LONP1: variants seen among roughly 807,000 people sequenced by gnomAD.
The protein encoded by LONP1 is lon protease homolog, mitochondrial.
Under a neutral mutation model 98.5 loss-of-function variants are expected in LONP1, and 31 were observed. The ratio of observed to expected loss-of-function variants is 0.31; its 90% confidence interval spans 0.24 to 0.42. The LOEUF (loss-of-function observed/expected upper bound fraction) is 0.42, where lower values mean the gene tolerates loss of function less well. Ranked by LOEUF, LONP1 falls within the 20% of genes least tolerant of loss-of-function variation. The pLI, the probability that LONP1 is intolerant of heterozygous loss-of-function variation, is 1.00. For synonymous variants in LONP1, 781 were observed against 594.7 expected, an observed-to-expected ratio of 1.31 and a Z score of -4.56; for missense variants, 1,336 against 1,350.6, an observed-to-expected ratio of 0.99 and a Z score of 0.17.
intron 4 of LONP1, among the ~76,000 whole-genome samples, chr19:5,709,127 C>G (rs555649424): frequency 1.3e-5 from 2 of 151,820 alleles, no homozygotes; most frequent in Non-Finnish European, 2.9e-5. Flanking sequence ...CGATCCTCCC[C>G]GCTCATTTTC....
intron 8 of LONP1, among the ~76,000 whole-genome samples, chr19:5,705,335 A>G (rs906842393): frequency 2.6e-5 from 4 of 151,980 alleles, no homozygotes; most frequent in Non-Finnish European, 4.4e-5. Context: ...GTGCATGCCT[A>G]TAGTCCCAGA....
chr19:5,693,819 G>A (rs1044285149), intron 15 of LONP1, 50 bp from the exon 16 acceptor site: 25 of 1,503,950 alleles, frequency 1.7e-5, no homozygotes, highest in African/African-American at 5.5e-5. Flanking sequence ...AGCCCAGGCC[G>A]GTGCTCACTC....
chr19:5,708,202 G>A (rs1306526175), intron 5 of LONP1, 140 bp downstream of exon 5: 31 of 841,888 alleles, frequency 3.7e-5, no homozygotes, highest in Middle Eastern at 3.4e-4. Context: ...AGTGGGCAAC[G>A]GGCTCCTCCA....
intron 10 of LONP1, 79 bp from the exon 11 acceptor site, chr19:5,696,836 CAG>C (rs749687003): frequency 1.6e-5 from 15 of 946,780 alleles, no homozygotes; most frequent in Non-Finnish European, 2.1e-5. Context: ...TCCAGGGCCA[CAG>C]GGGAGAGGCC....
intron 17 of LONP1, among the ~76,000 whole-genome samples, chr19:5,692,765 G>A (rs2054851243): frequency 6.6e-6 from 1 of 152,158 alleles, no homozygotes; most frequent in African/African-American, 2.4e-5. Context: ...GTCTGTGCCT[G>A]GTGTCCAATT....
intron 4 of LONP1, 65 bp from the exon 5 acceptor site, chr19:5,708,468 G>GGA: frequency 1.3e-5 from 7 of 551,256 alleles, no homozygotes; most frequent in East Asian, 4.7e-5. Context: ...GGCTGGGTGG[G>GGA]AGCATGGCCC....
intron 17 of LONP1, 67 bp downstream of exon 17, chr19:5,693,231 G>T: frequency 6.5e-7 from 1 of 1,537,664 alleles, no homozygotes; most frequent in South Asian, 1.2e-5. Context: ...TGCATGGCGG[G>T]GACTGGGCCT....
chr19:5,693,853 G>A lies in LONP1; in HGVS notation c.2321-84C>T, dbSNP rs117145932. 3,169 of 1,146,160 alleles carry A rather than the reference G, an allele frequency of 2.8e-3. 83 individuals are homozygous for A. The East Asian group carries it at 0.057, about 21-fold the overall frequency. The allele number at this position is 1,146,160 out of a possible 1,614,324, so 71.0% of individuals were successfully genotyped here. On this transcript the variant is annotated intron_variant, in intron 15 of 17. Transcript: ENST00000360614. Reference sequence around the variant, plus strand: ...TCCACCCCTCGGGGCCACTCTGACCGCTCCTGCCCCAGTTTAGCATCTTGG... The same window carrying A: ...TCCACCCCTCGGGGCCACTCTGACCACTCCTGCCCCAGTTTAGCATCTTGG...
At position 5,696,561 on chromosome 19, in the gene LONP1, C is replaced by T. The variant is rs372397529; in HGVS notation, c.1773+109G>A. ...GTCCGTGCCATCAGGGCCAGCATCA[C>T]GGCGATGGCCCCTGAGTTGGCTCGG... On this transcript the variant is annotated intron_variant, in intron 11 of 17. Coordinates refer to ENST00000360614, the MANE Select transcript of LONP1 (RefSeq NM_004793.4). 7.7e-5 allele frequency: 100 copies of T among 1,305,306 alleles called. No homozygotes were observed. The East Asian group carries it at 1.8e-3, about 23-fold the overall frequency. 80.9% of individuals were successfully genotyped at this position (1,305,306 alleles called of 1,614,324 possible).
chr19:5,708,192 A>G (rs2055178329), intron 5 of LONP1, 150 bp downstream of exon 5: 5 of 775,246 alleles, frequency 6.4e-6, no homozygotes, highest in East Asian at 5.4e-5. Context: ...CCCATGCCCC[A>G]GTGGGCAACG....
chr19:5,703,014 T>TAA (rs75284257), intron 8 of LONP1, among the ~76,000 whole-genome samples: 12 of 112,342 alleles, frequency 1.1e-4, no homozygotes, highest in Admixed American at 9.1e-5. Flanking sequence ...GAATGATCAA[T>TAA]AAAAAAAAAA....
intron 2 of LONP1, 116 bp downstream of exon 2, chr19:5,714,067 T>C: frequency 2.8e-6 from 2 of 723,002 alleles, no homozygotes; most frequent in East Asian, 5.4e-5. Flanking sequence ...ATTCTGGAGG[T>C]CTTCCCTGGT....
chr19:5,720,163 C>T, upstream of LONP1: 3 of 1,388,058 alleles, frequency 2.2e-6, no homozygotes, highest in South Asian at 3.2e-5. Flanking sequence ...TCACACAACT[C>T]GCGTCATTTC....
At chr19:5,696,635 C>CGGGTCAGGGTTGCCTGGGGCTAT in intron 11 of LONP1, 35 bp downstream of exon 11, 1 of 1,593,598 alleles carries the variant, frequency 6.3e-7, no homozygotes, top group Non-Finnish European at 8.6e-7. Context: ...ACGGCATTGC[C>CGGGTCAGGGTTGCCTGGGGCTAT]GGGTTAGGGG....
intron 4 of LONP1, among the ~76,000 whole-genome samples, chr19:5,709,736 C>T (rs535016187): frequency 6.6e-5 from 10 of 151,794 alleles, no homozygotes; most frequent in South Asian, 6.3e-4. Flanking sequence ...GGTGAAACCC[C>T]GTCTCTACTA....
chr19:5,698,403 T>C (rs1462815748), intron 10 of LONP1, among the ~76,000 whole-genome samples: 1 of 152,208 alleles, frequency 6.6e-6, no homozygotes, highest in Non-Finnish European at 1.5e-5. Flanking sequence ...AAAGAACCGC[T>C]GTCTACAGAG....
intron 8 of LONP1, among the ~76,000 whole-genome samples, chr19:5,702,870 A>G (rs2055080395): frequency 6.6e-6 from 1 of 151,256 alleles, no homozygotes; most frequent in Non-Finnish European, 1.5e-5. Context: ...ACCCAGGGAC[A>G]CAAACACTGC....
At position 5,719,747 on chromosome 19, in the gene LONP1, A is replaced by T; in HGVS notation, c.386T>A (p.Ile129Asn). Reference protein sequence around the residue: ...DVFPHLPLIAITRNPVFPRFI... With the variant: ...DVFPHLPLIANTRNPVFPRFI... Reference sequence around the variant, plus strand: ...GCGCGGGAACACCGGGTTGCGGGTGATGGCGATGAGCGGCAGGTGCGGAAA... The same window carrying T: ...GCGCGGGAACACCGGGTTGCGGGTGTTGGCGATGAGCGGCAGGTGCGGAAA... Residue 129 changes from isoleucine (I) to asparagine (N), a missense_variant, in exon 1 of 18, where the codon ATC becomes AAC. Transcript: ENST00000360614. 6.2e-7 allele frequency: 1 copy of T among 1,613,796 alleles called. No individual in the cohort carries two copies. Among genetic ancestry groups the T allele is most frequent in the Non-Finnish European group, 8.5e-7 (1 of 1,180,006 alleles).
chr19:5,692,301 G>A, intron 17 of LONP1, 93 bp from the exon 18 acceptor site: 3 of 1,231,342 alleles, frequency 2.4e-6, no homozygotes, highest in South Asian at 1.4e-5. Flanking sequence ...CTGGGGACCG[G>A]CGATACACAG....
Sources: allele counts gnomAD v4.1 joint callset (sites outside exome capture counted in the v4.1 genomes callset), GRCh38; gene constraint gnomAD v4.1.1; transcripts MANE v1.5; gene names NCBI Gene and HGNC (gene_info 2026-07-23, HGNC 2026-07-21).